The following GRID1 variants were observed in gnomAD, a reference collection of about 807,000 sequenced individuals.
GRID1 encodes glutamate receptor ionotropic, delta-1.
GRID1 carries 28 observed loss-of-function variants against 98.0 expected under a neutral mutation model. That is an observed-to-expected ratio of 0.29 (90% CI 0.21 to 0.39). The LOEUF is 0.39. GRID1 is among the 10% of genes least tolerant of loss of function. The pLI, the probability that GRID1 is intolerant of heterozygous loss-of-function variation, is 1.00. For missense variants in GRID1, 1,111 were observed against 1,340.5 expected (o/e 0.83, Z 2.67); for synonymous variants, 553 against 538.5 (o/e 1.03, Z -0.37).
At chr10:85,709,083 C>G in intron 12 of GRID1, 1 of 334,246 alleles carries the variant, frequency 3.0e-6, no homozygotes, top group Non-Finnish European at 6.0e-6. Context: ...TTATTGAAAA[C>G]CCCTGTTAAG....
At chr10:86,307,403 C>A (rs534118628) in intron 2 of GRID1, among the ~76,000 whole-genome samples, 3 of 152,214 alleles carry the variant, frequency 2.0e-5, no homozygotes, top group Admixed American at 6.5e-5. Context: ...CATGGGTGAA[C>A]CTAGAGAACG....
At chr10:86,051,441 T>C (rs1843501190) in intron 4 of GRID1, among the ~76,000 whole-genome samples, 1 of 151,384 alleles carries the variant, frequency 6.6e-6, no homozygotes, top group Non-Finnish European at 1.5e-5. Context: ...TGAACTAAAA[T>C]TCAGAAGACA....
intron 12 of GRID1, among the ~76,000 whole-genome samples, chr10:85,690,738 A>T (rs1841322544): frequency 6.6e-6 from 1 of 152,214 alleles, no homozygotes; most frequent in Non-Finnish European, 1.5e-5. Flanking sequence ...ATGTTGGCAC[A>T]GTTGCACATC....
chr10:86,354,097 A>G lies in GRID1; in HGVS notation c.235+9844T>C, dbSNP rs541720056. Among the ~76,000 whole-genome samples, 15 of 152,332 alleles carry G rather than the reference A, an allele frequency of 9.8e-5. 1 individual carries two copies. In the South Asian group the frequency reaches 3.1e-3, roughly 32 times the overall value. On this transcript the variant is annotated intron_variant, in intron 2 of 15. Coordinates refer to ENST00000327946, the MANE Select transcript of GRID1 (RefSeq NM_017551.3). The stretch of plus-strand genomic sequence containing the variant: ...ACGGCCCCAGGCCAGGAGCGGACCC[A>G]TGGCAGGACCTCAAGTCTCCACCTT...
In GRID1 at chr10:85,916,781, C is replaced by T. The variant is rs922973372; in HGVS notation, c.727-542G>A. On this transcript the variant is annotated intron_variant, in intron 4 of 15. Coordinates refer to ENST00000327946, the MANE Select transcript of GRID1 (RefSeq NM_017551.3). The surrounding 1 kb of genome is among the most constrained non-coding windows in gnomAD (Gnocchi z 4.0). ...TGTAGCTCCTGGGCCGTAGCCCCAT[C>T]CCGTAACTCTCTATTAGTGTTTTGT... 3.3e-5 allele frequency among the ~76,000 whole-genome samples: 5 copies of T among 152,224 alleles called. No homozygotes were observed. Among genetic ancestry groups the T allele is most frequent in the African/African-American group, 1.2e-4 (5 of 41,454 alleles).
intron 4 of GRID1, among the ~76,000 whole-genome samples, chr10:85,955,370 C>A (rs1049632093): frequency 1.3e-5 from 2 of 152,048 alleles, no homozygotes; most frequent in Non-Finnish European, 2.9e-5. Flanking sequence ...CTCCAGCATG[C>A]GAGACAACTT....
chr10:85,930,495 C>T (rs1841835951), intron 4 of GRID1, among the ~76,000 whole-genome samples: 1 of 152,010 alleles, frequency 6.6e-6, no homozygotes, highest in African/African-American at 2.4e-5. Flanking sequence ...CCCATTCCAG[C>T]TCTCTCCCTT....
At chr10:86,154,390 G>C (rs1313682965) in intron 3 of GRID1, among the ~76,000 whole-genome samples, 1 of 152,182 alleles carries the variant, frequency 6.6e-6, no homozygotes, top group African/African-American at 2.4e-5. Flanking sequence ...CTAGTAACAA[G>C]GGCTGAGCCA....
rs117431346 is a variant in GRID1 at position 85,840,966 on chromosome 10, T to C, written c.1233+13530A>G. ...TCCTATTAACCTACTATTGAGATTC[T>C]TCACAGAACTAGAAGAAAACATTTT... is the stretch of plus-strand genomic sequence containing the variant. On this transcript the variant is annotated intron_variant, in intron 8 of 15. Coordinates refer to ENST00000327946, the MANE Select transcript of GRID1 (RefSeq NM_017551.3). Among the ~76,000 whole-genome samples, 920 of 152,338 alleles carry C rather than the reference T, an allele frequency of 6.0e-3. 31 individuals carry two copies. In the East Asian group the frequency reaches 0.1, roughly 17 times the overall value.
At chr10:85,865,912 C>CATATATATATATATATATAT (rs375258556) in intron 6 of GRID1, among the ~76,000 whole-genome samples, 17 of 83,106 alleles carry the variant, frequency 2.0e-4, no homozygotes, top group African/African-American at 5.0e-4. Context: ...TACATATATA[C>CATATATATATATATATATAT]ATATATATAT....
At position 86,163,550 on chromosome 10, in the gene GRID1, C is replaced by T. The variant is rs901237513; in HGVS notation, c.521-24526G>A. 1.1e-4 allele frequency among the ~76,000 whole-genome samples: 17 copies of T among 152,142 alleles called. No homozygotes were observed. The East Asian group carries it at 2.1e-3, about 19-fold the overall frequency. On this transcript the variant is annotated intron_variant, in intron 3 of 15. Coordinates refer to ENST00000327946, the MANE Select transcript of GRID1 (RefSeq NM_017551.3). ...ATTTCTTAAAGATCCTCTGTTAACA[C>T]GTCAGCTGTTAAGCCAGTGATGAAG...
rs138194184 is a variant in GRID1 at position 86,063,645 on chromosome 10, A to C, written c.726+75174T>G. Among the ~76,000 whole-genome samples the C allele has an allele frequency of 3.4e-3, 517 of 152,352 alleles. 4 individuals are homozygous for C. The highest frequency in any genetic ancestry group is 0.012 in the African/African-American group (488 of 41,578). On this transcript the variant is annotated intron_variant, in intron 4 of 15. Transcript: ENST00000327946. ...AAGATATACTTTGCAGCTTTTAGAA[A>C]TAAAAATGTAAGTGAATATATATTG... is the stretch of plus-strand genomic sequence containing the variant.
chr10:86,351,534 G>C (rs1848461890), intron 2 of GRID1, among the ~76,000 whole-genome samples: 1 of 152,200 alleles, frequency 6.6e-6, no homozygotes, highest in African/African-American at 2.4e-5. Context: ...GATTCGCAGA[G>C]CTCTGAGCAC....
At chr10:86,157,587 C>G (rs1033161209) in intron 3 of GRID1, among the ~76,000 whole-genome samples, 1 of 152,182 alleles carries the variant, frequency 6.6e-6, no homozygotes, top group African/African-American at 2.4e-5. Context: ...TCCCTAAACA[C>G]GTCTCTCCTC....
At chr10:86,288,737 T>A (rs1847469839) in intron 2 of GRID1, among the ~76,000 whole-genome samples, 1 of 152,228 alleles carries the variant, frequency 6.6e-6, no homozygotes, top group Non-Finnish European at 1.5e-5. Flanking sequence ...AATGTCAATC[T>A]GACAGTGGGT....
At chr10:85,891,192 T>C (rs1229954211) in intron 5 of GRID1, among the ~76,000 whole-genome samples, 5 of 152,208 alleles carry the variant, frequency 3.3e-5, no homozygotes, top group African/African-American at 1.2e-4. Flanking sequence ...ACCTCATTTT[T>C]TTTATCCCTG....
chr10:85,953,799 C>G (rs1051951964), intron 4 of GRID1, among the ~76,000 whole-genome samples: 1 of 152,218 alleles, frequency 6.6e-6, no homozygotes, highest in African/African-American at 2.4e-5. Context: ...GAAACCCTCA[C>G]ACAGAAATAT....
At chr10:85,653,797 C>T (rs7903737) in intron 12 of GRID1, among the ~76,000 whole-genome samples, 85,687 of 151,852 alleles carry the variant, frequency 0.56, 25,428 homozygotes, top group African/African-American at 0.76. Context: ...CTTGGGCCCC[C>T]GTCCGTGTGA....
chr10:86,272,310 C>G (rs911665397), intron 2 of GRID1, among the ~76,000 whole-genome samples: 1 of 152,110 alleles, frequency 6.6e-6, no homozygotes, highest in Non-Finnish European at 1.5e-5. Context: ...TGTCAAAACT[C>G]TGGAAAACAG....
Sources: gnomAD v4.1 joint callset for allele counts (sites outside exome capture counted in the v4.1 genomes callset) on GRCh38, gnomAD v4.1.1 for gene constraint, Gnocchi (gnomAD v3.1) non-coding constraint, MANE v1.5 for transcripts, NCBI Gene and HGNC (gene_info 2026-07-23, HGNC 2026-07-21) for gene names.